FASTKD5: variants seen among roughly 807,000 people sequenced by gnomAD.
FASTKD5 encodes FAST kinase domains 5.
FASTKD5 carries 30 observed loss-of-function variants against 44.0 expected under a neutral mutation model. The ratio of observed to expected loss-of-function variants is 0.68; its 90% CI spans 0.51 to 0.93. The LOEUF is 0.93. Ranked by LOEUF, FASTKD5 falls within the 40% of genes least tolerant of loss-of-function variation. The pLI, the probability that FASTKD5 is intolerant of heterozygous loss-of-function variation, is 0.00. For missense variants in FASTKD5, 868 were observed against 908.2 expected, an observed-to-expected ratio of 0.96 and a Z score of 0.57; for synonymous variants, 335 against 342.2, an observed-to-expected ratio of 0.98 and a Z score of 0.23.
intron 1 of FASTKD5, among the ~76,000 whole-genome samples, chr20:3,155,414 T>C (rs374886655): frequency 1.3e-5 from 2 of 151,558 alleles, no homozygotes; most frequent in African/African-American, 4.8e-5. Context: ...ACCTGTAATC[T>C]CAGCTACTCA....
In FASTKD5 at chr20:3,146,560, A is replaced by G; in HGVS notation, c.*216T>C. ...CATATTAAGATGTTTATTATTTACT[A>G]AGAGTAACATGTATACATTTGCAGT... On this transcript the variant is annotated 3_prime_UTR_variant, in exon 2 of 2. Transcript: ENST00000380266. 5.7e-6 allele frequency: 3 copies of G among 522,786 alleles called. No homozygotes were observed. The highest frequency in any genetic ancestry group is 1.0e-5 in the Non-Finnish European group (3 of 300,562). The allele number at this position is 522,786 out of a possible 1,614,324, so 32.4% of individuals were successfully genotyped here.
intron 1 of FASTKD5, among the ~76,000 whole-genome samples, chr20:3,158,403 C>G (rs1001859347): frequency 6.6e-6 from 1 of 152,206 alleles, no homozygotes; most frequent in Non-Finnish European, 1.5e-5. Flanking sequence ...TGCATAACTG[C>G]CAAAGGCCTC....
chr20:3,158,676 A>G (rs553442101), intron 1 of FASTKD5, among the ~76,000 whole-genome samples: 2,075 of 152,094 alleles, frequency 0.014, 50 homozygotes, highest in African/African-American at 0.046. Context: ...GGGTTTCACC[A>G]TATTAGCCAA....
At chr20:3,154,238 G>A (rs944548573) in intron 1 of FASTKD5, among the ~76,000 whole-genome samples, 3 of 152,226 alleles carry the variant, frequency 2.0e-5, no homozygotes, top group Non-Finnish European at 2.9e-5. Flanking sequence ...CATGCTGGAC[G>A]ACATAGACAG....
At chr20:3,151,040 C>T (rs956732367) in intron 1 of FASTKD5, among the ~76,000 whole-genome samples, 39 of 152,026 alleles carry the variant, frequency 2.6e-4, no homozygotes, top group African/African-American at 9.2e-4. Flanking sequence ...CACCACCAAA[C>T]CCAGTTAGTG....
In FASTKD5 at chr20:3,149,273, T is replaced by A; in HGVS notation, c.-190-13A>T. On this transcript the variant is annotated splice_polypyrimidine_tract_variant and intron_variant, in intron 1 of 1. Coordinates refer to ENST00000380266, the MANE Select transcript of FASTKD5 (RefSeq NM_021826.5). This position sits in a 1 kb window ranked among gnomAD's most constrained non-coding sequence, Gnocchi z 4.1. ...TTGGTGCCAGATACTGAAAAAAGGG[T>A]AGATGAAGAATGAGTGGCTTCTACC... 1.8e-6 allele frequency: 1 copy of A among 568,056 alleles called. No individual in the cohort carries two copies. Among genetic ancestry groups the A allele is most frequent in the Non-Finnish European group, 3.1e-6 (1 of 321,810 alleles). 35.2% of individuals were successfully genotyped at this position (568,056 alleles called of 1,614,324 possible).
chr20:3,154,316 A>G (rs1334792390), intron 1 of FASTKD5, among the ~76,000 whole-genome samples: 1 of 152,242 alleles, frequency 6.6e-6, no homozygotes, highest in Non-Finnish European at 1.5e-5. Flanking sequence ...AGGATACAAA[A>G]AGCCATGCTA....
chr20:3,159,804 G>A lies in FASTKD5; in HGVS notation c.-229C>T, dbSNP rs2066727502. 6.6e-6 allele frequency: 1 copy of A among 152,274 alleles called. No homozygotes were observed. Among genetic ancestry groups the A allele is most frequent in the Non-Finnish European group, 1.5e-5 (1 of 68,056 alleles). The allele number at this position is 152,274 out of a possible 1,614,324, so 9.4% of individuals were successfully genotyped here. ...AGGTGGGCGCCGCAACACCAAACCG[G>A]GGACGCCGCGGGCGGCGGCGACACA... On this transcript the variant is annotated 5_prime_UTR_variant, in exon 1 of 2. Transcript: ENST00000380266.
At chr20:3,153,414 C>A (rs2066651345) in intron 1 of FASTKD5, among the ~76,000 whole-genome samples, 2 of 152,244 alleles carry the variant, frequency 1.3e-5, no homozygotes, top group South Asian at 4.1e-4. Flanking sequence ...ATCCTTATAA[C>A]ATCTCTGTAA....
At chr20:3,151,369 C>CT (rs2066622884) in intron 1 of FASTKD5, among the ~76,000 whole-genome samples, 1 of 152,190 alleles carries the variant, frequency 6.6e-6, no homozygotes, top group African/African-American at 2.4e-5. Flanking sequence ...TGCTTTCCTG[C>CT]TACAAGAGCA....
At chr20:3,150,018 C>CAA (rs1358453716) in intron 1 of FASTKD5, among the ~76,000 whole-genome samples, 57 of 110,566 alleles carry the variant, frequency 5.2e-4, no homozygotes, top group African/African-American at 1.4e-3. Context: ...GACTCCATCT[C>CAA]AAAAAAAAAA....
At position 3,147,834 on chromosome 20, in the gene FASTKD5, C is replaced by A. The variant is rs747106787; in HGVS notation, c.1237G>T (p.Ala413Ser). Residue 413 changes from alanine to serine, a missense_variant, in exon 2 of 2, where the codon GCA (alanine) becomes TCA (serine). Transcript: ENST00000380266. ...CTAGGAGGCAAAGACGCAGCCACTGCATTCATTACTCCTTCATTCAGGAAG... is the reference window on the plus strand; with the variant it reads ...CTAGGAGGCAAAGACGCAGCCACTGAATTCATTACTCCTTCATTCAGGAAG... ...LRFLNEGVMN[A>S]VAASLPPRVA... The A allele has an allele frequency of 2.5e-6, 4 of 1,614,098 alleles. No individual in the cohort carries two copies. The highest frequency in any genetic ancestry group is 3.4e-6 in the Non-Finnish European group (4 of 1,180,048).
rs781767042 is a variant in FASTKD5 at position 3,147,116 on chromosome 20, T to C, written c.1955A>G (p.Gln652Arg). Reference sequence around the variant, plus strand: ...CTTATTCTCCAACTCCATGGGCTGCTGCCCAGGCTCTGACTCAGTTTTGCC... The same window carrying C: ...CTTATTCTCCAACTCCATGGGCTGCCGCCCAGGCTCTGACTCAGTTTTGCC... ...FQGKTESEPG[Q>R]QPMELENKAA... Residue 652 changes from glutamine (Q) to arginine (R), a missense_variant, in exon 2 of 2, where the codon CAG (glutamine) becomes CGG (arginine). Coordinates refer to ENST00000380266, the MANE Select transcript of FASTKD5 (RefSeq NM_021826.5). 6.2e-7 allele frequency: 1 copy of C among 1,613,828 alleles called. No individual in the cohort carries two copies. The highest frequency in any genetic ancestry group is 1.3e-5 in the African/African-American group (1 of 74,952).
At chr20:3,151,857 C>A (rs2066628398) in intron 1 of FASTKD5, 1 of 151,856 alleles carries the variant, frequency 6.6e-6, no homozygotes, top group African/African-American at 2.4e-5. Flanking sequence ...GTAATTCCAG[C>A]ACTTTGAGAG....
chr20:3,156,938 T>C (rs978715589), intron 1 of FASTKD5: 1 of 152,108 alleles, frequency 6.6e-6, no homozygotes, highest in Admixed American at 6.6e-5. Flanking sequence ...TCTCAGCAAA[T>C]AATTTGTTGA....
At chr20:3,152,231 AGCACTTTGGGAGGCTGAG>A (rs2066636048) in intron 1 of FASTKD5, among the ~76,000 whole-genome samples, 1 of 151,800 alleles carries the variant, frequency 6.6e-6, no homozygotes, top group Non-Finnish European at 1.5e-5. Context: ...CTGTAATCCC[AGCACTTTGGGAGGCTGAG>A]GCGGGTGGAT....
intron 1 of FASTKD5, among the ~76,000 whole-genome samples, chr20:3,153,586 C>T (rs1187933610): frequency 6.6e-6 from 1 of 152,110 alleles, no homozygotes; most frequent in Admixed American, 6.6e-5. Flanking sequence ...GAATGGATGT[C>T]AGAAAACAGG....
chr20:3,150,701 T>C (rs181630425), intron 1 of FASTKD5: 5 of 152,270 alleles, frequency 3.3e-5, no homozygotes, highest in African/African-American at 9.6e-5. Context: ...CCAGAGCCCA[T>C]AGCACATCAT....
chr20:3,151,099 C>G (rs1461082773), intron 1 of FASTKD5, among the ~76,000 whole-genome samples: 2 of 152,104 alleles, frequency 1.3e-5, no homozygotes, highest in Non-Finnish European at 1.5e-5. Context: ...GATGGAGTCT[C>G]ACAATGTTGC....
Sources: gnomAD v4.1 joint callset for allele counts (sites outside exome capture counted in the v4.1 genomes callset) on GRCh38, gnomAD v4.1.1 for gene constraint, Gnocchi (gnomAD v3.1) non-coding constraint, MANE v1.5 for transcripts, NCBI Gene and HGNC (gene_info 2026-07-23, HGNC 2026-07-21) for gene names.